Variants in PCDHGA7 observed in about 807,000 individuals in gnomAD.
PCDHGA7 encodes protocadherin gamma subfamily A, 7.
In PCDHGA7, 44 loss-of-function variants were observed where a neutral mutation model predicts 58.3. That is an observed-to-expected ratio of 0.75 (90% CI 0.59 to 0.97). The LOEUF (loss-of-function observed/expected upper bound fraction) is 0.97. PCDHGA7 is among the 50% of genes least tolerant of loss of function. The pLI is 0.00. For synonymous variants in PCDHGA7, 516 were observed against 504.2 expected (o/e 1.02, Z -0.31); for missense variants, 1,266 against 1,188.7 (o/e 1.06, Z -0.96).
chr5:141,394,496 G>T (rs779718881), intron 1 of PCDHGA7: 5 of 1,614,118 alleles, frequency 3.1e-6, no homozygotes, highest in Middle Eastern at 1.6e-4. Context: ...ACGCGCCCGA[G>T]ATCCTGTACC....
intron 1 of PCDHGA7, chr5:141,398,411 T>C (rs1346480691): frequency 6.8e-7 from 1 of 1,478,640 alleles, no homozygotes; most frequent in South Asian, 1.1e-5. Context: ...AGGGAGGAGA[T>C]ATGCGGGAAG....
chr5:141,390,158 A>G, intron 1 of PCDHGA7: 1 of 1,614,042 alleles, frequency 6.2e-7, no homozygotes, highest in Non-Finnish European at 8.5e-7. Context: ...CACATACAGG[A>G]AAGACGGAGT....
intron 1 of PCDHGA7, chr5:141,410,578 T>A (rs1432039651): frequency 6.2e-7 from 1 of 1,610,984 alleles, no homozygotes; most frequent in African/African-American, 1.3e-5. Context: ...TTCCACCTCA[T>A]GGTGGGGAGG....
chr5:141,449,256 A>C (rs929920180), intron 1 of PCDHGA7, among the ~76,000 whole-genome samples: 5 of 152,176 alleles, frequency 3.3e-5, no homozygotes, highest in Non-Finnish European at 5.9e-5. Context: ...CAAGAATTGT[A>C]CAAAGAACTG....
intron 1 of PCDHGA7, among the ~76,000 whole-genome samples, chr5:141,442,945 C>G (rs1000311671): frequency 1.8e-4 from 28 of 152,150 alleles, no homozygotes; most frequent in African/African-American, 6.3e-4. Context: ...GAAACTTCCT[C>G]TCACTGCAAA....
chr5:141,505,317 G>A, intron 2 of PCDHGA7, 76 bp from the exon 3 acceptor site: 1 of 1,603,092 alleles, frequency 6.2e-7, no homozygotes, highest in Non-Finnish European at 8.5e-7. Flanking sequence ...AGGTTTGGGA[G>A]CCCTGGGAGA....
intron 1 of PCDHGA7, among the ~76,000 whole-genome samples, chr5:141,466,360 G>A (rs2099121274): frequency 6.6e-6 from 1 of 152,070 alleles, no homozygotes; most frequent in South Asian, 2.1e-4. Context: ...TAATCTAGAT[G>A]TAATGGTTTT....
At chr5:141,457,568 T>A (rs1397626206) in intron 1 of PCDHGA7, among the ~76,000 whole-genome samples, 1 of 152,190 alleles carries the variant, frequency 6.6e-6, no homozygotes, top group African/African-American at 2.4e-5. Context: ...TGGAGCAAAA[T>A]TTTTCTCTCC....
Position 141,414,833 on chromosome 5 carries a change from G to A in PCDHGA7, c.2424+29510G>A, listed in dbSNP as rs768992312. On this transcript the variant is annotated intron_variant, in intron 1 of 3. Coordinates refer to ENST00000518325, the MANE Select transcript of PCDHGA7 (RefSeq NM_018920.4). ...CCACTCAGCAGCAACGTGTCGTTGAGCCTGTTTGTGCTGGACCAGAACGAC... is the reference window on the plus strand; with the variant it reads ...CCACTCAGCAGCAACGTGTCGTTGAACCTGTTTGTGCTGGACCAGAACGAC... 1.9e-6 allele frequency: 3 copies of A among 1,614,098 alleles called. No homozygotes were observed. In the East Asian group the frequency reaches 6.7e-5, roughly 36 times the overall value.
At position 141,474,586 on chromosome 5, in the gene PCDHGA7, A is replaced by T. The variant is rs149003643; in HGVS notation, c.2425-20221A>T. 7.1e-4 allele frequency among the ~76,000 whole-genome samples: 108 copies of T among 152,340 alleles called. No individual in the cohort carries two copies. The East Asian group carries it at 0.015, about 21-fold the overall frequency. The stretch of plus-strand genomic sequence containing the variant: ...TCAGAGATTAATTGAAGTGTTAAAG[A>T]CATGGAAATATAGGTCACATATGGC... On this transcript the variant is annotated intron_variant, in intron 1 of 3. Coordinates refer to ENST00000518325, the MANE Select transcript of PCDHGA7 (RefSeq NM_018920.4).
intron 2 of PCDHGA7, among the ~76,000 whole-genome samples, chr5:141,498,789 C>T (rs1302940884): frequency 6.6e-6 from 1 of 151,980 alleles, no homozygotes; most frequent in Non-Finnish European, 1.5e-5. Context: ...AAATATTAGC[C>T]AGGTGTGGTG....
intron 1 of PCDHGA7, among the ~76,000 whole-genome samples, chr5:141,451,630 C>T (rs899343801): frequency 2.0e-5 from 3 of 152,132 alleles, no homozygotes; most frequent in Non-Finnish European, 2.9e-5. Flanking sequence ...ACCTGTAATT[C>T]CAGCACTCTG....
rs140916255 is a variant in PCDHGA7, at chr5:141,475,995, C to A, written c.2425-18812C>A. 2,057 of 1,172,604 alleles carry A rather than the reference C, an allele frequency of 1.8e-3. 30 individuals carry two copies. The African/African-American group carries it at 0.027, about 16-fold the overall frequency. 72.6% of individuals were successfully genotyped at this position (1,172,604 alleles called of 1,614,324 possible). ...ACTGAACAGCCGGCGAGCAAATCAA[C>A]GGCATCCAGAAAGCCATGTCGGACT... On this transcript the variant is annotated intron_variant, in intron 1 of 3. Coordinates refer to ENST00000518325, the MANE Select transcript of PCDHGA7 (RefSeq NM_018920.4).
At chr5:141,397,195 G>T (rs2093485269) in intron 1 of PCDHGA7, among the ~76,000 whole-genome samples, 1 of 152,150 alleles carries the variant, frequency 6.6e-6, no homozygotes, top group Non-Finnish European at 1.5e-5. Context: ...TACTGTAAAA[G>T]ATATGACATA....
Position 141,385,246 on chromosome 5 carries a change from G to A in PCDHGA7, c.2347G>A (p.Glu783Lys), listed in dbSNP as rs1285071081. ...PNYVDMLISQ[E>K]SCEKNDSLLT... The stretch of plus-strand genomic sequence containing the variant: ...CTATGTAGACATGCTCATCAGCCAG[G>A]AGAGCTGTGAGAAAAATGATTCTTT... Residue 783 changes from glutamate to lysine, a missense_variant, in exon 1 of 4, where the codon GAG becomes AAG. By Grantham distance (56) the Glu-to-Lys change is moderately conservative. Coordinates refer to ENST00000518325, the MANE Select transcript of PCDHGA7 (RefSeq NM_018920.4). 6.2e-7 allele frequency: 1 copy of A among 1,614,084 alleles called. No homozygotes were observed. The highest frequency in any genetic ancestry group is 8.5e-7 in the Non-Finnish European group (1 of 1,180,040).
At chr5:141,397,842 G>T (rs7703108) in intron 1 of PCDHGA7, 79,958 of 516,008 alleles carry the variant, frequency 0.15, 7,302 homozygotes, top group African/African-American at 0.31. Flanking sequence ...ACTTGAAGCC[G>T]CAGAGGCTGT....
In PCDHGA7 at chr5:141,389,782, G is replaced by C. The variant is rs768524617; in HGVS notation, c.2424+4459G>C. 4 of 1,613,192 alleles carry C rather than the reference G, an allele frequency of 2.5e-6. No individual in the cohort carries two copies. In the African/African-American group the frequency reaches 5.3e-5, roughly 22 times the overall value. On this transcript the variant is annotated intron_variant, in intron 1 of 3. Transcript: ENST00000518325. ...CGCACAGCGCGTGCCTTAGGCGACAGGGACGCCGTCCGCCAGCGCCTTCTG... is the reference window on the plus strand; with the variant it reads ...CGCACAGCGCGTGCCTTAGGCGACACGGACGCCGTCCGCCAGCGCCTTCTG...
intron 1 of PCDHGA7, chr5:141,392,699 T>C: frequency 2.4e-6 from 3 of 1,248,768 alleles, no homozygotes; most frequent in South Asian, 3.3e-5. Context: ...CGACCCCTGT[T>C]TGGAGGCACT....
intron 1 of PCDHGA7, chr5:141,415,523 T>G (rs1245542927): frequency 1.9e-6 from 3 of 1,614,196 alleles, no homozygotes; most frequent in Non-Finnish European, 2.5e-6. Context: ...GCGGACACGC[T>G]CATCAGCCAG....
Sources: allele counts gnomAD v4.1 joint callset (sites outside exome capture counted in the v4.1 genomes callset), GRCh38; gene constraint gnomAD v4.1.1; transcripts MANE v1.5; gene names NCBI Gene and HGNC (gene_info 2026-07-23, HGNC 2026-07-21).